CNTNAP4: variants seen among roughly 807,000 people sequenced by gnomAD.
CNTNAP4 encodes the protein contactin-associated protein-like 4.
Under a neutral mutation model 148.4 loss-of-function variants are expected in CNTNAP4, and 98 were observed. That is an observed-to-expected ratio of 0.66 (90% confidence interval 0.56 to 0.78). The LOEUF is 0.78. Among genes scored for constraint, CNTNAP4 ranks in the 30% least tolerant of loss-of-function variants. The pLI is 0.00. For synonymous variants in CNTNAP4, 730 were observed against 565.1 expected (o/e 1.29, Z -4.14); for missense variants, 1,935 against 1,565.6 (o/e 1.24, Z -3.98).
Position 76,498,655 on chromosome 16 carries a change from G to A in CNTNAP4, c.2326G>A (p.Ala776Thr). 6.2e-7 allele frequency: 1 copy of A among 1,612,846 alleles called. No individual in the cohort carries two copies. The highest frequency in any genetic ancestry group is 8.5e-7 in the Non-Finnish European group (1 of 1,179,350). The change falls in exon 15 of 24, where the codon GCA becomes ACA. Residue 776 changes from alanine to threonine, a missense_variant. Ala to Thr is a moderately conservative substitution (Grantham distance 58, BLOSUM62 0). Coordinates refer to ENST00000611870, the MANE Select transcript of CNTNAP4 (RefSeq NM_033401.5). The stretch of plus-strand genomic sequence containing the variant: ...AGACACAGGCCGACTGCATTCAGAA[G>A]CAGCTTATAAACTGGGGCCTCTGCT... ...ITDTGRLHSE[A>T]AYKLGPLLCQ...
At chr16:76,408,681 G>T (rs1470852099) in intron 3 of CNTNAP4, among the ~76,000 whole-genome samples, 2 of 151,926 alleles carry the variant, frequency 1.3e-5, no homozygotes, top group Admixed American at 6.6e-5. Context: ...TAATTTATTT[G>T]CACCATCAAA....
chr16:76,356,138 G>T (rs1234113233), intron 3 of CNTNAP4, among the ~76,000 whole-genome samples: 2 of 152,054 alleles, frequency 1.3e-5, no homozygotes, highest in African/African-American at 4.8e-5. Flanking sequence ...GCGTCCCAAA[G>T]TGCTGGGATT....
chr16:76,295,581 A>G (rs1288365991), intron 1 of CNTNAP4, among the ~76,000 whole-genome samples: 3 of 152,056 alleles, frequency 2.0e-5, no homozygotes, highest in Non-Finnish European at 4.4e-5. Context: ...AGAGCTACAG[A>G]AAAACAGAGA....
At chr16:76,474,710 G>GA (rs1198213962) in intron 10 of CNTNAP4, among the ~76,000 whole-genome samples, 1 of 152,078 alleles carries the variant, frequency 6.6e-6, no homozygotes, top group Non-Finnish European at 1.5e-5. Context: ...AGGGCTATTT[G>GA]AGTCAATAAC....
intron 2 of CNTNAP4, among the ~76,000 whole-genome samples, chr16:76,318,986 C>T (rs1323935885): frequency 6.6e-6 from 1 of 151,478 alleles, no homozygotes; most frequent in East Asian, 1.9e-4. Context: ...AAGAATAGAG[C>T]AAAAAAATGA....
chr16:76,505,364 G>A lies in CNTNAP4; in HGVS notation c.2365+6670G>A. Among the ~76,000 whole-genome samples, 2 of 97,652 alleles carry A rather than the reference G, an allele frequency of 2.0e-5. 1 individual carries two copies. Among genetic ancestry groups the A allele is most frequent in the Non-Finnish European group, 5.8e-5 (2 of 34,400 alleles). The allele number at this position is 97,652 out of a possible 152,430, so 64.1% of individuals were successfully genotyped here. A position where few individuals can be genotyped will look rare whatever the true frequency, so the allele number is the denominator to read the frequency against. On this transcript the variant is annotated intron_variant, in intron 15 of 23. Transcript: ENST00000611870. ...CTCAACTGCATTACTCTAAGTGAAA[G>A]AAGCCAGACTAAAAAGCCTACATGC...
intron 9 of CNTNAP4, among the ~76,000 whole-genome samples, chr16:76,463,405 A>G (rs1025449905): frequency 6.6e-6 from 1 of 152,210 alleles, no homozygotes; most frequent in Non-Finnish European, 1.5e-5. Flanking sequence ...AGGTTTAACA[A>G]TGCCTAGCTA....
At chr16:76,513,331 G>A (rs535159969) in intron 15 of CNTNAP4, among the ~76,000 whole-genome samples, 1 of 152,198 alleles carries the variant, frequency 6.6e-6, no homozygotes, top group East Asian at 1.9e-4. Flanking sequence ...GAAGTGTGAA[G>A]TAATCCTCTA....
chr16:76,513,664 A>G (rs1018594116), intron 15 of CNTNAP4, among the ~76,000 whole-genome samples: 1 of 152,210 alleles, frequency 6.6e-6, no homozygotes, highest in South Asian at 2.1e-4. Context: ...AGACCAGTGT[A>G]TAGATGTGCC....
chr16:76,490,496 C>T (rs1506823), intron 13 of CNTNAP4, among the ~76,000 whole-genome samples: 25,718 of 150,298 alleles, frequency 0.17, 2,460 homozygotes, highest in South Asian at 0.23. Context: ...CCTCTGTTTC[C>T]ACCACATCTG....
At chr16:76,415,241 T>C (rs1223790494) in intron 3 of CNTNAP4, among the ~76,000 whole-genome samples, 1 of 151,296 alleles carries the variant, frequency 6.6e-6, no homozygotes, top group Non-Finnish European at 1.5e-5. Context: ...TCCTCATTTA[T>C]ACATCTTCTT....
At chr16:76,492,584 A>G (rs894846488) in intron 13 of CNTNAP4, among the ~76,000 whole-genome samples, 1 of 152,152 alleles carries the variant, frequency 6.6e-6, no homozygotes, top group Non-Finnish European at 1.5e-5. Context: ...TTGAATTGTA[A>G]TAATCCTCAC....
At chr16:76,329,735 G>A (rs573272688) in intron 2 of CNTNAP4, among the ~76,000 whole-genome samples, 2 of 152,146 alleles carry the variant, frequency 1.3e-5, no homozygotes, top group East Asian at 3.9e-4. Context: ...TAAAAAGATT[G>A]ATATATAATT....
chr16:76,385,727 C>G (rs2016456333), intron 3 of CNTNAP4, among the ~76,000 whole-genome samples: 1 of 152,110 alleles, frequency 6.6e-6, no homozygotes, highest in African/African-American at 2.4e-5. Context: ...AATACGTAAC[C>G]TTGTTTTACG....
intron 2 of CNTNAP4, among the ~76,000 whole-genome samples, chr16:76,321,835 A>T (rs753408370): frequency 5.3e-4 from 80 of 151,636 alleles, no homozygotes; most frequent in Admixed American, 1.1e-3. Flanking sequence ...TTTTAAAATG[A>T]TAGTATTAAT....
chr16:76,301,239 A>G (rs1188438279), intron 1 of CNTNAP4, among the ~76,000 whole-genome samples: 3 of 152,184 alleles, frequency 2.0e-5, no homozygotes, highest in Non-Finnish European at 2.9e-5. Context: ...TTGAAAAACA[A>G]AATGACAAAT....
chr16:76,549,265 C>T (rs897721573), intron 21 of CNTNAP4, among the ~76,000 whole-genome samples: 2 of 152,104 alleles, frequency 1.3e-5, no homozygotes, highest in Non-Finnish European at 2.9e-5. Context: ...TTAATGTGCC[C>T]ATTTTCTCTG....
At chr16:76,540,327 C>T (rs907131119) in intron 20 of CNTNAP4, among the ~76,000 whole-genome samples, 4 of 151,938 alleles carry the variant, frequency 2.6e-5, no homozygotes, top group African/African-American at 9.7e-5. Context: ...CTGCCTACCT[C>T]AAATAAAAAT....
Position 76,518,030 on chromosome 16 carries a change from T to G in CNTNAP4, c.2366-3110T>G, listed in dbSNP as rs144669442. 4.9e-3 allele frequency among the ~76,000 whole-genome samples: 740 copies of G among 152,286 alleles called. 7 individuals carry two copies. Among genetic ancestry groups the G allele is most frequent in the African/African-American group, 0.017 (718 of 41,550 alleles). On this transcript the variant is annotated intron_variant, in intron 15 of 23. Transcript: ENST00000611870. Reference sequence around the variant, plus strand: ...ATGAAATTCAATACTTAGTACATCTTCCTCTTTTACGTGAATGACTATATG... The same window carrying G: ...ATGAAATTCAATACTTAGTACATCTGCCTCTTTTACGTGAATGACTATATG...
Sources: allele counts gnomAD v4.1 joint callset (sites outside exome capture counted in the v4.1 genomes callset), GRCh38; gene constraint gnomAD v4.1.1; transcripts MANE v1.5; gene names NCBI Gene and HGNC (gene_info 2026-07-23, HGNC 2026-07-21).